SPAG16: variants seen among roughly 807,000 people sequenced by gnomAD.
SPAG16 encodes the protein sperm associated antigen 16, also known as sperm-associated antigen 16 protein.
Under a neutral mutation model 80.4 loss-of-function variants are expected in SPAG16, and 86 were observed. That is an observed-to-expected ratio of 1.07 (90% CI 0.90 to 1.28). The LOEUF is 1.28. Ranked by LOEUF, SPAG16 falls within the 50% of genes most tolerant of loss-of-function variation. The pLI, the probability that SPAG16 is intolerant of heterozygous loss-of-function variation, is 0.00. For missense variants in SPAG16, 870 were observed against 765.3 expected (o/e 1.14, Z -1.61); for synonymous variants, 294 against 265.9 (o/e 1.11, Z -1.03).
chr2:213,761,414 G>A (rs1303467452), intron 10 of SPAG16, among the ~76,000 whole-genome samples: 2 of 152,058 alleles, frequency 1.3e-5, no homozygotes, highest in Admixed American at 1.3e-4. Flanking sequence ...TTCGACCAGA[G>A]ATAAACAAGA....
At chr2:213,350,472 A>C (rs1217526726) in intron 6 of SPAG16, 56 bp from the exon 7 acceptor site, 4 of 892,002 alleles carry the variant, frequency 4.5e-6, no homozygotes, top group Non-Finnish European at 6.6e-6. Flanking sequence ...GTTAGATGGA[A>C]ATTACTGATT....
chr2:213,508,660 C>T (rs772367870), intron 10 of SPAG16, among the ~76,000 whole-genome samples: 94 of 152,076 alleles, frequency 6.2e-4, no homozygotes, highest in African/African-American at 1.7e-3. Flanking sequence ...AGCAAACTGT[C>T]GCAAGGACAA....
intron 15 of SPAG16, among the ~76,000 whole-genome samples, chr2:214,337,521 G>A (rs1697382323): frequency 1.3e-5 from 2 of 152,200 alleles, no homozygotes; most frequent in African/African-American, 4.8e-5. Flanking sequence ...AATTAACTTA[G>A]GAGTACCATG....
At chr2:213,521,012 T>C (rs1025922644) in intron 10 of SPAG16, among the ~76,000 whole-genome samples, 1 of 152,164 alleles carries the variant, frequency 6.6e-6, no homozygotes, top group African/African-American at 2.4e-5. Context: ...ATCTGCCAGA[T>C]GCTTTGATTG....
intron 6 of SPAG16, among the ~76,000 whole-genome samples, chr2:213,345,786 T>C (rs1222233618): frequency 6.6e-6 from 1 of 152,066 alleles, no homozygotes; most frequent in Non-Finnish European, 1.5e-5. Context: ...TACTGTAGCC[T>C]TGTAGTGTAG....
chr2:213,554,323 A>G (rs1326585758), intron 10 of SPAG16, among the ~76,000 whole-genome samples: 1 of 152,224 alleles, frequency 6.6e-6, no homozygotes, highest in Non-Finnish European at 1.5e-5. Context: ...CACTGGTACC[A>G]GAAAAGCTGC....
chr2:214,366,009 C>T (rs367686652), intron 15 of SPAG16, among the ~76,000 whole-genome samples: 7 of 148,974 alleles, frequency 4.7e-5, no homozygotes, highest in African/African-American at 1.7e-4. Flanking sequence ...ACAGGAGTCT[C>T]GCTCTGTAGC....
intron 10 of SPAG16, among the ~76,000 whole-genome samples, chr2:213,638,811 TTGA>T (rs1310496114): frequency 6.6e-6 from 1 of 152,220 alleles, no homozygotes; most frequent in Non-Finnish European, 1.5e-5. Flanking sequence ...ACTTTCTGTC[TTGA>T]TGACCTGTCT....
chr2:213,689,237 C>T (rs2064829633), intron 10 of SPAG16, among the ~76,000 whole-genome samples: 1 of 152,200 alleles, frequency 6.6e-6, no homozygotes, highest in Non-Finnish European at 1.5e-5. Flanking sequence ...GAATTACAGG[C>T]ATGAGCCACT....
At chr2:213,579,091 A>G (rs2060219258) in intron 10 of SPAG16, among the ~76,000 whole-genome samples, 1 of 151,910 alleles carries the variant, frequency 6.6e-6, no homozygotes, top group South Asian at 2.1e-4. Context: ...TAATATATGT[A>G]TTGAATTTTA....
At chr2:213,592,358 A>T (rs2060725223) in intron 10 of SPAG16, among the ~76,000 whole-genome samples, 1 of 152,194 alleles carries the variant, frequency 6.6e-6, no homozygotes. Context: ...TGTATTTTAG[A>T]TTTTTATTAG....
At chr2:214,035,273 C>T (rs2048632772) in intron 13 of SPAG16, among the ~76,000 whole-genome samples, 1 of 152,140 alleles carries the variant, frequency 6.6e-6, no homozygotes, top group Admixed American at 6.5e-5. Context: ...CACTCGCGTC[C>T]ATGGGCCCAG....
chr2:213,932,897 T>G (rs945312355), intron 12 of SPAG16, among the ~76,000 whole-genome samples: 2 of 151,894 alleles, frequency 1.3e-5, no homozygotes, highest in Non-Finnish European at 2.9e-5. Context: ...TATTATCTTC[T>G]GAATGATCAG....
At chr2:214,210,116 G>A (rs2058251504) in intron 15 of SPAG16, among the ~76,000 whole-genome samples, 1 of 152,006 alleles carries the variant, frequency 6.6e-6, no homozygotes, top group Non-Finnish European at 1.5e-5. Flanking sequence ...CTCCAGGACA[G>A]GATTAGAGGG....
intron 5 of SPAG16, among the ~76,000 whole-genome samples, chr2:213,336,496 G>T (rs908553024): frequency 6.6e-6 from 1 of 152,186 alleles, no homozygotes. Context: ...AATTCCGAGG[G>T]CAGGAGGGTT....
chr2:213,975,441 G>A (rs757497801), intron 12 of SPAG16, among the ~76,000 whole-genome samples: 1 of 151,468 alleles, frequency 6.6e-6, no homozygotes, highest in Non-Finnish European at 1.5e-5. Context: ...CCTAAAGTAG[G>A]TCTAAGATAA....
At chr2:214,100,482 A>G (rs898529830) in intron 13 of SPAG16, among the ~76,000 whole-genome samples, 21 of 152,192 alleles carry the variant, frequency 1.4e-4, no homozygotes, top group African/African-American at 4.3e-4. Context: ...TTCATCACCC[A>G]TGTAATACGC....
chr2:213,718,294 C>T (rs764422755), intron 10 of SPAG16, among the ~76,000 whole-genome samples: 37 of 152,076 alleles, frequency 2.4e-4, no homozygotes, highest in Non-Finnish European at 3.2e-4. Context: ...CAAACCAAAA[C>T]CACAATGAGA....
At chr2:214,061,081 G>A (rs2050233860) in intron 13 of SPAG16, among the ~76,000 whole-genome samples, 1 of 152,188 alleles carries the variant, frequency 6.6e-6, no homozygotes, top group Admixed American at 6.6e-5. Context: ...TCAAGTTTGT[G>A]AGACAGAGTA....
Sources: gnomAD v4.1 joint callset for allele counts (sites outside exome capture counted in the v4.1 genomes callset) on GRCh38, gnomAD v4.1.1 for gene constraint, MANE v1.5 for transcripts, NCBI Gene and HGNC (gene_info 2026-07-23, HGNC 2026-07-21) for gene names.